PCP4: variants seen among roughly 807,000 people sequenced by gnomAD.
PCP4 encodes calmodulin regulator protein PCP4.
Under a neutral mutation model 10.0 loss-of-function variants are expected in PCP4, and 8 were observed. That is an observed-to-expected ratio of 0.80 (90% CI 0.47 to 1.45). PCP4 has a LOEUF of 1.45. PCP4 is among the 40% of genes most tolerant of loss of function. PCP4 has a pLI of 0.00. For synonymous variants in PCP4, 21 were observed against 23.0 expected, an observed-to-expected ratio of 0.91 and a Z score of 0.24; for missense variants, 54 against 74.4, an observed-to-expected ratio of 0.73 and a Z score of 1.01.
chr21:39,928,942 C>T lies in PCP4; in HGVS notation c.62-42C>T, dbSNP rs759980528. The T allele has an allele frequency of 1.2e-5, 19 of 1,594,896 alleles. No homozygotes were observed. In the South Asian group the frequency reaches 1.7e-4, roughly 14 times the overall value. Reference sequence around the variant, plus strand: ...GTGGGGCTGTCTGCTTTCCTATTTTCAGCTCAGTGATTGCCTTCTGTTTGT... The same window carrying T: ...GTGGGGCTGTCTGCTTTCCTATTTTTAGCTCAGTGATTGCCTTCTGTTTGT... On this transcript the variant is annotated intron_variant, in intron 2 of 2. Transcript: ENST00000328619.
At chr21:39,922,643 C>T (rs1054763029) in intron 2 of PCP4, among the ~76,000 whole-genome samples, 2 of 152,120 alleles carry the variant, frequency 1.3e-5, no homozygotes, top group African/African-American at 4.8e-5. Context: ...TGTGTCAGGT[C>T]CTGGTGGTTT....
chr21:39,873,282 G>A (rs931051325), intron 1 of PCP4, among the ~76,000 whole-genome samples: 1 of 152,150 alleles, frequency 6.6e-6, no homozygotes, highest in Non-Finnish European at 1.5e-5. Context: ...ATCTCCATCA[G>A]CCCAGTTGTA....
chr21:39,898,143 A>C (rs976723374), intron 1 of PCP4, among the ~76,000 whole-genome samples: 2 of 152,090 alleles, frequency 1.3e-5, no homozygotes, highest in African/African-American at 4.8e-5. Flanking sequence ...ACGCATTAAC[A>C]ATGCTGATCT....
intron 2 of PCP4, among the ~76,000 whole-genome samples, chr21:39,920,561 G>A (rs748798508): frequency 1.3e-5 from 2 of 152,064 alleles, no homozygotes; most frequent in African/African-American, 4.8e-5. Context: ...CCATGATGAC[G>A]TGAGCAATGA....
chr21:39,874,920 A>G (rs903028812), intron 1 of PCP4, among the ~76,000 whole-genome samples: 8 of 152,132 alleles, frequency 5.3e-5, no homozygotes, highest in Admixed American at 2.6e-4. Flanking sequence ...TAGTGTAGAC[A>G]GTGTGGATAC....
chr21:39,916,167 C>G (rs1463458392), intron 2 of PCP4: 1 of 152,180 alleles, frequency 6.6e-6, no homozygotes, highest in Non-Finnish European at 1.5e-5. Flanking sequence ...TCCATGTGCT[C>G]AGAGAGAAGA....
At chr21:39,928,889 A>G in intron 2 of PCP4, 95 bp from the exon 3 acceptor site, 5 of 1,250,880 alleles carry the variant, frequency 4.0e-6, no homozygotes, top group Non-Finnish European at 4.6e-6. Flanking sequence ...GTGTGCCCCA[A>G]GGTGGACTTC....
At chr21:39,871,223 C>G (rs1249660784) in intron 1 of PCP4, among the ~76,000 whole-genome samples, 1 of 152,210 alleles carries the variant, frequency 6.6e-6, no homozygotes, top group Non-Finnish European at 1.5e-5. Context: ...ATACATACAA[C>G]AGTGGTTTGG....
intron 2 of PCP4, among the ~76,000 whole-genome samples, chr21:39,914,196 T>C (rs1201769675): frequency 1.3e-5 from 2 of 148,710 alleles, no homozygotes; most frequent in Non-Finnish European, 3.0e-5. Context: ...TTCATGAAGC[T>C]CTTGGGGGCT....
chr21:39,868,356 G>T (rs1726343251), intron 1 of PCP4, among the ~76,000 whole-genome samples: 1 of 152,126 alleles, frequency 6.6e-6, no homozygotes, highest in Non-Finnish European at 1.5e-5. Context: ...TTGACAGATG[G>T]ATGATTCTTT....
chr21:39,876,487 T>C (rs1046669137), intron 1 of PCP4, among the ~76,000 whole-genome samples: 2 of 152,158 alleles, frequency 1.3e-5, no homozygotes, highest in African/African-American at 2.4e-5. Flanking sequence ...GGAAGATTAG[T>C]TTAGTTAAAG....
chr21:39,895,012 C>T (rs75766290), intron 1 of PCP4, among the ~76,000 whole-genome samples: 130 of 152,272 alleles, frequency 8.5e-4, no homozygotes, highest in Non-Finnish European at 1.6e-3. Flanking sequence ...CCCATCCGTC[C>T]ACCCATTTAT....
intron 1 of PCP4, among the ~76,000 whole-genome samples, chr21:39,895,040 TATCCATCCATCC>T (rs1006652744): frequency 6.6e-6 from 1 of 152,006 alleles, no homozygotes; most frequent in Non-Finnish European, 1.5e-5. Context: ...TCTGTTCATC[TATCCATCCATCC>T]ATCCATTCAT....
rs142946825 is a variant in PCP4, at chr21:39,917,153, G to T, written c.62-11831G>T. ...GCTCAGCCTAGATGGTGTCCAGCCA[G>T]AAACAATTCATATGGAAGATATTTA... On this transcript the variant is annotated intron_variant, in intron 2 of 2. Transcript: ENST00000328619. 5.6e-3 allele frequency among the ~76,000 whole-genome samples: 859 copies of T among 152,324 alleles called. 4 individuals carry two copies. Among genetic ancestry groups the T allele is most frequent in the South Asian group, 0.014 (67 of 4,822 alleles).
intron 1 of PCP4, among the ~76,000 whole-genome samples, chr21:39,892,437 C>T (rs2087437192): frequency 6.6e-6 from 1 of 151,844 alleles, no homozygotes; most frequent in African/African-American, 2.4e-5. Context: ...CTAGGTAATC[C>T]TCCACCCCAC....
rs1040488621 is a variant in PCP4, at chr21:39,906,290, C to T, written c.61+7763C>T. On this transcript the variant is annotated intron_variant, in intron 2 of 2. Transcript: ENST00000328619. The surrounding 1 kb of genome is among the most constrained non-coding windows in gnomAD (Gnocchi z 6.3). ...TTTGTAAATGGGCAACTTGGATGGG[C>T]TGTGGTCTAAGCCCCTGGAACAGAA... Among the ~76,000 whole-genome samples, 1 of 152,196 alleles carries T rather than the reference C, an allele frequency of 6.6e-6. No individual in the cohort carries two copies. Among genetic ancestry groups the T allele is most frequent in the South Asian group, 2.1e-4 (1 of 4,832 alleles).
chr21:39,884,900 G>A (rs767290745), intron 1 of PCP4, among the ~76,000 whole-genome samples: 1 of 152,100 alleles, frequency 6.6e-6, no homozygotes, highest in Non-Finnish European at 1.5e-5. Context: ...TGGCCCTAGA[G>A]CCCACATTCT....
intron 1 of PCP4, among the ~76,000 whole-genome samples, chr21:39,875,382 A>G (rs2146325359): frequency 6.6e-6 from 1 of 152,230 alleles, no homozygotes; most frequent in Non-Finnish European, 1.5e-5. Flanking sequence ...GTGACAGCAT[A>G]CACACAGACA....
At chr21:39,915,955 T>G (rs1329652735) in intron 2 of PCP4, 3 of 152,214 alleles carry the variant, frequency 2.0e-5, no homozygotes, top group African/African-American at 4.8e-5. Flanking sequence ...GTTTATTGGG[T>G]GCTTACAAGC....
Sources: allele counts gnomAD v4.1 joint callset (sites outside exome capture counted in the v4.1 genomes callset), GRCh38; gene constraint gnomAD v4.1.1; non-coding constraint Gnocchi (gnomAD v3.1); transcripts MANE v1.5; gene names NCBI Gene and HGNC (gene_info 2026-07-23, HGNC 2026-07-21).